Variants in LAMC3 observed in about 807,000 individuals in gnomAD.
LAMC3 encodes the protein laminin subunit gamma 3.
Under a neutral mutation model 173.8 loss-of-function variants are expected in LAMC3, and 128 were observed. The observed-to-expected ratio is 0.74, with a 90% CI of 0.64 to 0.85. The LOEUF is 0.85. Ranked by LOEUF, LAMC3 falls within the 40% of genes least tolerant of loss-of-function variation. The pLI is 0.00. For missense variants in LAMC3, 2,022 were observed against 2,156.0 expected (o/e 0.94, Z 1.23); for synonymous variants, 897 against 909.1 (o/e 0.99, Z 0.24).
At position 131,087,542 on chromosome 9, in the gene LAMC3, A is replaced by G; in HGVS notation, c.4297A>G (p.Thr1433Ala). Residue 1433 changes from threonine to alanine, a missense_variant, in exon 26 of 28, where the codon ACG becomes GCG. Physicochemically the swap from Thr to Ala is moderately conservative, Grantham distance 58. Transcript: ENST00000361069. ...HRRASRLTSQ[T>A]QATLQQASQQ... ...CCGTGCCAGCAGGCTCACCAGCCAG[A>G]CGCAAGCCACGCTCCAACAGGCGTC... 6.2e-7 allele frequency: 1 copy of G among 1,613,850 alleles called. No individual in the cohort carries two copies. Among genetic ancestry groups the G allele is most frequent in the Non-Finnish European group, 8.5e-7 (1 of 1,180,012 alleles).
chr9:131,033,058 G>A (rs978057720), intron 3 of LAMC3, among the ~76,000 whole-genome samples: 9 of 152,146 alleles, frequency 5.9e-5, no homozygotes, highest in Admixed American at 5.2e-4. Flanking sequence ...GGTCCTATGC[G>A]CCATTAGCAC....
Position 131,069,731 on chromosome 9 carries a change from G to A in LAMC3, c.2950G>A (p.Val984Met), listed in dbSNP as rs527388604. The A allele has an allele frequency of 6.5e-5, 104 of 1,602,486 alleles. No homozygotes were observed. Among genetic ancestry groups the A allele is most frequent in the Non-Finnish European group, 8.1e-5 (95 of 1,175,442 alleles). ...SAQCHENGTC[V>M]CRPGFEGYKC... ...CCAGTGCCACGAGAACGGCACATGC[G>A]TGTGCAGGCCTGGCTTCGAGGGCTA... The change falls in exon 17 of 28, where the codon GTG becomes ATG. Residue 984 changes from valine to methionine, a missense_variant. Transcript: ENST00000361069.
chr9:131,078,008 T>C (rs1428161919), intron 22 of LAMC3, among the ~76,000 whole-genome samples: 2 of 152,144 alleles, frequency 1.3e-5, no homozygotes, highest in African/African-American at 2.4e-5. Context: ...GTCTGTCACA[T>C]AGAACTCACC....
intron 4 of LAMC3, among the ~76,000 whole-genome samples, chr9:131,038,141 C>T (rs1289629384): frequency 3.9e-5 from 6 of 152,254 alleles, no homozygotes; most frequent in East Asian, 3.9e-4. Context: ...CCTCACTGCT[C>T]AGCCTTCAGA....
rs1027640814 is a variant in LAMC3, at chr9:131,045,582, T to C, written c.1441T>C (p.Phe481Leu). The C allele has an allele frequency of 6.2e-7, 1 of 1,614,124 alleles. No homozygotes were observed. Among genetic ancestry groups the C allele is most frequent in the African/African-American group, 1.3e-5 (1 of 75,064 alleles). The change falls in exon 8 of 28, where the codon TTC becomes CTC. Residue 481 changes from phenylalanine (F) to leucine (L), a missense_variant. Physicochemically the swap from Phe to Leu is conservative, Grantham distance 22. Coordinates refer to ENST00000361069, the MANE Select transcript of LAMC3 (RefSeq NM_006059.4). ...PHNPAGCSSC[F>L]CYGHSKVCAS... ...CAATCCAGCTGGCTGCAGCAGCTGTTTCTGCTATGGCCACTCCAAGGTGTG... is the reference window on the plus strand; with the variant it reads ...CAATCCAGCTGGCTGCAGCAGCTGTCTCTGCTATGGCCACTCCAAGGTGTG...
At chr9:131,076,813 G>GCCAGGA (rs1229034483) in intron 21 of LAMC3, among the ~76,000 whole-genome samples, 1 of 152,218 alleles carries the variant, frequency 6.6e-6, no homozygotes, top group Non-Finnish European at 1.5e-5. Context: ...GCATGGCCGA[G>GCCAGGA]CCAGGACCAG....
intron 1 of LAMC3, among the ~76,000 whole-genome samples, chr9:131,020,488 G>A (rs958173027): frequency 6.6e-6 from 1 of 152,212 alleles, no homozygotes; most frequent in Non-Finnish European, 1.5e-5. Flanking sequence ...AAAACAAAAA[G>A]ATTGCCAAGT....
In LAMC3 at chr9:131,032,187, G is replaced by GC. The variant is rs2133236132; in HGVS notation, c.809+12_809+13insC. 6.4e-7 allele frequency: 1 copy of GC among 1,550,482 alleles called. No individual in the cohort carries two copies. Among genetic ancestry groups the GC allele is most frequent in the Non-Finnish European group, 8.8e-7 (1 of 1,138,214 alleles). On this transcript the variant is annotated intron_variant, in intron 3 of 27. Transcript: ENST00000361069. ...TCTGTGGGCGGCAGGTAGGAGGGAG[G>GC]AGGGAGGCAGGGTGGCAGGGCTCCA...
rs1328441247 is a variant in LAMC3, at chr9:131,057,069, G to A, written c.2080G>A (p.Glu694Lys). 1.2e-6 allele frequency: 2 copies of A among 1,614,064 alleles called. No homozygotes were observed. Among genetic ancestry groups the A allele is most frequent in the Non-Finnish European group, 1.7e-6 (2 of 1,180,050 alleles). The stretch of plus-strand genomic sequence containing the variant: ...ATCCTGTGCTCCGGGATACAAGAGG[G>A]AGATGCCACAGGGGGGTCCCTATGC... ...CESCAPGYKR[E>K]MPQGGPYASC... Residue 694 changes from glutamate to lysine, a missense_variant, in exon 12 of 28, where the codon GAG (glutamate) becomes AAG (lysine). By Grantham distance (56) the Glu-to-Lys change is moderately conservative. Coordinates refer to ENST00000361069, the MANE Select transcript of LAMC3 (RefSeq NM_006059.4).
At chr9:131,028,347 G>T (rs1833765370) in intron 2 of LAMC3, among the ~76,000 whole-genome samples, 4 of 152,166 alleles carry the variant, frequency 2.6e-5, no homozygotes, top group African/African-American at 7.2e-5. Flanking sequence ...CCCGGGTTCA[G>T]ACCCAAGACG....
intron 23 of LAMC3, 149 bp from the exon 24 acceptor site, chr9:131,081,910 T>G: frequency 1.5e-6 from 1 of 677,492 alleles, no homozygotes; most frequent in Non-Finnish European, 2.7e-6. Flanking sequence ...ATAACACAGA[T>G]CAGGTGCTCC....
At chr9:131,052,202 C>T (rs914474715) in intron 9 of LAMC3, among the ~76,000 whole-genome samples, 1 of 152,118 alleles carries the variant, frequency 6.6e-6, no homozygotes. Context: ...CGTTCACCCT[C>T]GGACTCCGTG....
chr9:131,076,038 T>C, intron 21 of LAMC3, 73 bp downstream of exon 21: 1 of 1,445,688 alleles, frequency 6.9e-7, no homozygotes, highest in Non-Finnish European at 9.3e-7. Context: ...AGCCAAAGGC[T>C]GCTGGTTCCA....
chr9:131,053,566 A>G (rs1371514972), intron 11 of LAMC3, among the ~76,000 whole-genome samples: 1 of 152,130 alleles, frequency 6.6e-6, no homozygotes, highest in East Asian at 1.9e-4. Flanking sequence ...CGGGCGCAGA[A>G]GCTCACGCCT....
At chr9:131,066,392 G>A (rs1020848993) in intron 13 of LAMC3, among the ~76,000 whole-genome samples, 2 of 151,932 alleles carry the variant, frequency 1.3e-5, no homozygotes, top group African/African-American at 4.8e-5. Context: ...TAGGGAGGCT[G>A]AGGCAGGAGA....
chr9:131,026,908 C>T lies in LAMC3; in HGVS notation c.678+319C>T, dbSNP rs1029664594. Among the ~76,000 whole-genome samples, 20 of 152,222 alleles carry T rather than the reference C, an allele frequency of 1.3e-4. No individual in the cohort carries two copies. The highest frequency in any genetic ancestry group is 3.9e-4 in the African/African-American group (16 of 41,546). On this transcript the variant is annotated intron_variant, in intron 2 of 27. Transcript: ENST00000361069. The surrounding 1 kb of genome is among the most constrained non-coding windows in gnomAD (Gnocchi z 4.8). ...GTATTTTTAGTAGAGACGGGGGTTT[C>T]GCCATGTTGGCCAGGCTGGTCTTGA...
intron 15 of LAMC3, among the ~76,000 whole-genome samples, 172 bp downstream of exon 15, chr9:131,068,403 C>T (rs1291408027): frequency 2.0e-5 from 3 of 152,196 alleles, no homozygotes; most frequent in African/African-American, 7.2e-5. Context: ...GCATCCGACT[C>T]ATGCTCCTGC....
chr9:131,039,183 G>A lies in LAMC3; in HGVS notation c.1218G>A (p.Thr406=), dbSNP rs2293518. The change falls in exon 6 of 28, where the codon ACG becomes ACA. Residue 406 remains threonine (T), a synonymous_variant. Coordinates refer to ENST00000361069, the MANE Select transcript of LAMC3 (RefSeq NM_006059.4). ...DDTGTCACKP[T]VTGWKCDRCL... ...CAGGCACCTGCGCCTGCAAGCCCAC[G>A]GTGACTGGCTGGAAGTGTGACCGCT... 375,951 of 1,609,950 alleles carry A rather than the reference G, an allele frequency of 0.23. 45,663 individuals carry two copies. The highest frequency in any genetic ancestry group is 0.25 in the Non-Finnish European group (297,505 of 1,179,916).
chr9:131,027,336 T>C (rs56213822), intron 2 of LAMC3, among the ~76,000 whole-genome samples: 29,709 of 152,250 alleles, frequency 0.2, 4,028 homozygotes, highest in African/African-American at 0.39. Flanking sequence ...AACTCTCCGC[T>C]GAGGGGCCTC....
Sources: gnomAD v4.1 joint callset for allele counts (sites outside exome capture counted in the v4.1 genomes callset) on GRCh38, gnomAD v4.1.1 for gene constraint, Gnocchi (gnomAD v3.1) non-coding constraint, MANE v1.5 for transcripts, NCBI Gene and HGNC (gene_info 2026-07-23, HGNC 2026-07-21) for gene names.